VWC2: variants seen among roughly 807,000 people sequenced by gnomAD.
The protein encoded by VWC2 is von Willebrand factor C domain containing 2, also known as brorin.
A neutral mutation model predicts 29.8 loss-of-function variants in VWC2; 14 were observed. The ratio of observed to expected loss-of-function variants is 0.47; its 90% confidence interval spans 0.31 to 0.74. The LOEUF is 0.74. VWC2 is among the 30% of genes least tolerant of loss of function. The pLI is 0.05. For synonymous variants in VWC2, 213 were observed against 199.0 expected, an observed-to-expected ratio of 1.07 and a Z score of -0.59; for missense variants, 457 against 459.8, an observed-to-expected ratio of 0.99 and a Z score of 0.05.
chr7:49,870,730 A>G (rs1309845611), intron 3 of VWC2, among the ~76,000 whole-genome samples: 1 of 152,252 alleles, frequency 6.6e-6, no homozygotes, highest in Non-Finnish European at 1.5e-5. Context: ...GTTTCTCCTC[A>G]CTAATCCACA....
At chr7:49,872,815 T>C (rs1373720762) in intron 3 of VWC2, among the ~76,000 whole-genome samples, 1 of 141,140 alleles carries the variant, frequency 7.1e-6, no homozygotes, top group South Asian at 2.2e-4. Context: ...ACTTGGGATG[T>C]TGAAACAGGA....
At chr7:49,797,602 A>C (rs1052798798) in intron 2 of VWC2, among the ~76,000 whole-genome samples, 1 of 152,144 alleles carries the variant, frequency 6.6e-6, no homozygotes, top group African/African-American at 2.4e-5. Flanking sequence ...AGACGTGCAC[A>C]CCGTTGCTAA....
At chr7:49,864,027 G>A (rs547472942) in intron 3 of VWC2, among the ~76,000 whole-genome samples, 2 of 152,144 alleles carry the variant, frequency 1.3e-5, no homozygotes, top group South Asian at 4.2e-4. Context: ...ATTATAGTGT[G>A]GTAAAATTGG....
At chr7:49,853,053 C>T (rs755941209) in intron 3 of VWC2, among the ~76,000 whole-genome samples, 11 of 152,378 alleles carry the variant, frequency 7.2e-5, no homozygotes, top group Non-Finnish European at 1.5e-4. Flanking sequence ...AGGACAGAAG[C>T]GGAGGCCACA....
In VWC2 at chr7:49,915,115, T is replaced by G. The variant is rs546462975; in HGVS notation, c.*2930T>G. 5.3e-5 allele frequency: 8 copies of G among 152,326 alleles called. No individual in the cohort carries two copies. In the South Asian group the frequency reaches 1.7e-3, roughly 32 times the overall value. The allele number at this position is 152,326 out of a possible 1,614,324, so 9.4% of individuals were successfully genotyped here. A position where few individuals can be genotyped will look rare whatever the true frequency, so the allele number is the denominator to read the frequency against. On this transcript the variant is annotated 3_prime_UTR_variant, in exon 4 of 4. Coordinates refer to ENST00000340652, the MANE Select transcript of VWC2 (RefSeq NM_198570.5). ...TTTCAAGTTAAATTCATTCTTTCAGTGATAGGATATTTACTTGTTGGGTGG... is the reference window on the plus strand; with the variant it reads ...TTTCAAGTTAAATTCATTCTTTCAGGGATAGGATATTTACTTGTTGGGTGG...
intron 2 of VWC2, among the ~76,000 whole-genome samples, chr7:49,780,274 C>G (rs1207665461): frequency 3.9e-4 from 59 of 152,112 alleles, no homozygotes. Flanking sequence ...TTAGGAGTTC[C>G]TGTATTACTT....
Position 49,919,856 on chromosome 7 carries a change from G to A in VWC2, c.*7671G>A, listed in dbSNP as rs1218753985. ...TTTTCATTTTAAGATAGGCATCAGTGCAATAAAGGAGCTTGATACAAAAAT... is the reference window on the plus strand; with the variant it reads ...TTTTCATTTTAAGATAGGCATCAGTACAATAAAGGAGCTTGATACAAAAAT... On this transcript the variant is annotated 3_prime_UTR_variant, in exon 4 of 4. Transcript: ENST00000340652. 1 of 152,248 alleles carries A rather than the reference G, an allele frequency of 6.6e-6. No homozygotes were observed. The highest frequency in any genetic ancestry group is 1.5e-5 in the Non-Finnish European group (1 of 68,016). 9.4% of individuals were successfully genotyped at this position (152,248 alleles called of 1,614,324 possible).
intron 3 of VWC2, among the ~76,000 whole-genome samples, chr7:49,908,772 G>C (rs1298619661): frequency 1.3e-5 from 2 of 152,176 alleles, no homozygotes; most frequent in Non-Finnish European, 2.9e-5. Flanking sequence ...AGTGATTAAA[G>C]GAGTGTGTCA....
intron 3 of VWC2, among the ~76,000 whole-genome samples, chr7:49,872,751 CAA>C (rs34987652): frequency 8.2e-6 from 1 of 122,066 alleles, no homozygotes; most frequent in Admixed American, 8.6e-5. Context: ...ACAAAAAATA[CAA>C]AAAAAAAAAA....
chr7:49,864,681 G>C (rs769320555), intron 3 of VWC2, among the ~76,000 whole-genome samples: 1 of 152,202 alleles, frequency 6.6e-6, no homozygotes, highest in African/African-American at 2.4e-5. Flanking sequence ...TGCATCTTCT[G>C]TTGGTCTTTC....
At chr7:49,883,145 C>T (rs1402713313) in intron 3 of VWC2, among the ~76,000 whole-genome samples, 1 of 152,022 alleles carries the variant, frequency 6.6e-6, no homozygotes, top group Non-Finnish European at 1.5e-5. Flanking sequence ...GAGGAAGGCG[C>T]AGGGAGCTGT....
chr7:49,900,982 CGAT>C (rs1792693354), intron 3 of VWC2: 1 of 151,702 alleles, frequency 6.6e-6, no homozygotes. Flanking sequence ...AGAAAAATCA[CGAT>C]GATATCAGTA....
At chr7:49,847,948 C>T (rs893043799) in intron 3 of VWC2, among the ~76,000 whole-genome samples, 2 of 152,168 alleles carry the variant, frequency 1.3e-5, no homozygotes, top group African/African-American at 4.8e-5. Context: ...CTGGGAGGGG[C>T]AGTCCCTCCA....
At chr7:49,783,892 A>T (rs1386299097) in intron 2 of VWC2, among the ~76,000 whole-genome samples, 1 of 151,988 alleles carries the variant, frequency 6.6e-6, no homozygotes, top group Non-Finnish European at 1.5e-5. Context: ...TCTAAAAAAA[A>T]TAATAATAAT....
At chr7:49,822,362 T>C (rs1427799108) in intron 3 of VWC2, among the ~76,000 whole-genome samples, 2 of 152,140 alleles carry the variant, frequency 1.3e-5, no homozygotes, top group African/African-American at 4.8e-5. Context: ...AAGGTGCAGT[T>C]TATTTCTCAC....
intron 2 of VWC2, among the ~76,000 whole-genome samples, chr7:49,799,203 G>T (rs966534707): frequency 1.3e-5 from 2 of 152,240 alleles, no homozygotes; most frequent in African/African-American, 4.8e-5. Context: ...GTCTGAGATG[G>T]TGAGGCAAGA....
intron 3 of VWC2, among the ~76,000 whole-genome samples, chr7:49,824,425 C>T (rs183978950): frequency 1.3e-5 from 2 of 152,258 alleles, no homozygotes; most frequent in African/African-American, 4.8e-5. Context: ...TATTCTTTTC[C>T]ATTCATCTAT....
rs559604789 is a variant in VWC2, at chr7:49,775,945, G to T, written c.510G>T (p.Ala170=). The change falls in exon 2 of 4, where the codon GCG becomes GCT. Residue 170 remains alanine, a synonymous_variant. Transcript: ENST00000340652. ...TGTACGCGATCGGGGAGAAGTTCGCGCCGGGCCCCTCGGCCTGCCCGTGCC... is the reference window on the plus strand; with the variant it reads ...TGTACGCGATCGGGGAGAAGTTCGCTCCGGGCCCCTCGGCCTGCCCGTGCC... ...GFVYAIGEKF[A]PGPSACPCLC... is the part of the protein sequence containing the mutation. The T allele has an allele frequency of 1.3e-6, 2 of 1,553,866 alleles. No individual in the cohort carries two copies. Among genetic ancestry groups the T allele is most frequent in the East Asian group, 2.4e-5 (1 of 41,612 alleles).
Position 49,775,531 on chromosome 7 carries a change from G to C in VWC2, c.96G>C (p.Pro32=). Residue 32 remains proline (P), a synonymous_variant, in exon 2 of 4, where the codon CCG becomes CCC. Transcript: ENST00000340652. ...TGGCTCTGTGCAGTCCGAGCATCCC[G>C]CTGGAGAAGCTGGCCCAGGCACCAG... ...LMVALCSPSI[P]LEKLAQAPEQ... 1 of 1,569,652 alleles carries C rather than the reference G, an allele frequency of 6.4e-7. No homozygotes were observed. The highest frequency in any genetic ancestry group is 8.6e-7 in the Non-Finnish European group (1 of 1,162,004).
Sources: gnomAD v4.1 joint callset for allele counts (sites outside exome capture counted in the v4.1 genomes callset) on GRCh38, gnomAD v4.1.1 for gene constraint, MANE v1.5 for transcripts, NCBI Gene and HGNC (gene_info 2026-07-23, HGNC 2026-07-21) for gene names.